Variants in PCP2 observed in about 807,000 individuals in gnomAD.
PCP2 encodes the protein Purkinje cell protein 2 homolog.
Under a neutral mutation model 18.3 loss-of-function variants are expected in PCP2, and 21 were observed. That is an observed-to-expected ratio of 1.14 (90% CI 0.81 to 1.65). PCP2 has a LOEUF of 1.65. PCP2 is among the 40% of genes most tolerant of loss of function. The pLI is 0.00. For missense variants in PCP2, 202 were observed against 201.8 expected, an observed-to-expected ratio of 1.00 and a Z score of 0.00; for synonymous variants, 85 against 77.6, an observed-to-expected ratio of 1.10 and a Z score of -0.50.
At position 7,632,679 on chromosome 19, in the gene PCP2, C is replaced by G; in HGVS notation, c.166+37G>C. On this transcript the variant is annotated intron_variant, in intron 2 of 3. Coordinates refer to ENST00000311069, the MANE Select transcript of PCP2 (RefSeq NM_174895.3). This position sits in a 1 kb window ranked among gnomAD's most constrained non-coding sequence, Gnocchi z 5.2. Reference sequence around the variant, plus strand: ...ACTTGCCCTGCACTCCCACCCCGTTCACGCCCCATGGACAGCACCCCCGTG... The same window carrying G: ...ACTTGCCCTGCACTCCCACCCCGTTGACGCCCCATGGACAGCACCCCCGTG... The G allele has an allele frequency of 6.5e-7, 1 of 1,549,880 alleles. No individual in the cohort carries two copies. Among genetic ancestry groups the G allele is most frequent in the Non-Finnish European group, 8.7e-7 (1 of 1,152,662 alleles).
At position 7,631,749 on chromosome 19, in the gene PCP2, G is replaced by A. The variant is rs527724250; in HGVS notation, c.351C>T (p.Asp117=). 5.6e-6 allele frequency: 8 copies of A among 1,440,300 alleles called. No individual in the cohort carries two copies. In the African/African-American group the frequency reaches 1.0e-4, roughly 18 times the overall value. 89.2% of individuals were successfully genotyped at this position (1,440,300 alleles called of 1,614,324 possible). The part of the protein sequence containing the change: ...LSPQPLLTPQ[D]PTALGFRRNS... ...TCCGACGGAAGCCGAGAGCGGTCGG[G>A]TCCTGAGGGGTGAGCAGGGGTTGGG... Residue 117 remains aspartate (D), a synonymous_variant, in exon 4 of 4, where the codon GAC becomes GAT. Transcript: ENST00000311069.
chr19:7,636,698 G>GGCT (rs886123582), upstream of PCP2: 11 of 161,212 alleles, frequency 6.8e-5, no homozygotes, highest in African/African-American at 1.9e-4. Context: ...TATCCAAGAC[G>GGCT]GCTGCTGCTG....
At position 7,632,854 on chromosome 19, in the gene PCP2, G is replaced by A. The variant is rs1374154742; in HGVS notation, c.52-24C>T. ...GCCTGGGGACAGACTCGCTCAGTCTGGTTGGCCCTTCAGCTTGGGGGCCCC... is the reference window on the plus strand; with the variant it reads ...GCCTGGGGACAGACTCGCTCAGTCTAGTTGGCCCTTCAGCTTGGGGGCCCC... On this transcript the variant is annotated intron_variant, in intron 1 of 3. Coordinates refer to ENST00000311069, the MANE Select transcript of PCP2 (RefSeq NM_174895.3). The surrounding 1 kb of genome is among the most constrained non-coding windows in gnomAD (Gnocchi z 5.2). 1 of 1,541,638 alleles carries A rather than the reference G, an allele frequency of 6.5e-7. No homozygotes were observed. Among genetic ancestry groups the A allele is most frequent in the African/African-American group, 1.4e-5 (1 of 73,112 alleles).
In PCP2 at chr19:7,632,951, A is replaced by G. The variant is rs1230371689; in HGVS notation, c.52-121T>C. 6.8e-7 allele frequency: 1 copy of G among 1,474,980 alleles called. No homozygotes were observed. The highest frequency in any genetic ancestry group is 2.3e-5 in the Admixed American group (1 of 44,118). 91.4% of individuals were successfully genotyped at this position (1,474,980 alleles called of 1,614,324 possible). On this transcript the variant is annotated intron_variant, in intron 1 of 3. Transcript: ENST00000311069. The surrounding 1 kb of genome is among the most constrained non-coding windows in gnomAD (Gnocchi z 5.2). Reference sequence around the variant, plus strand: ...TGCCGTCCCCACTTCCTCAGCTCTCACCATGGTCCCCGCCGATCCTCTCTG... The same window carrying G: ...TGCCGTCCCCACTTCCTCAGCTCTCGCCATGGTCCCCGCCGATCCTCTCTG...
upstream of PCP2, among the ~76,000 whole-genome samples, chr19:7,634,384 C>T (rs566812401): frequency 2.6e-5 from 4 of 152,200 alleles, no homozygotes; most frequent in African/African-American, 7.2e-5. Flanking sequence ...CACCTCTGCC[C>T]GAGCCTCCTC....
At position 7,633,578 on chromosome 19, in the gene PCP2, G is replaced by T; in HGVS notation, c.-121C>A. 2.2e-6 allele frequency: 2 copies of T among 901,528 alleles called. No individual in the cohort carries two copies. Among genetic ancestry groups the T allele is most frequent in the Non-Finnish European group, 3.5e-6 (2 of 575,864 alleles). 55.8% of individuals were successfully genotyped at this position (901,528 alleles called of 1,614,324 possible). ...CCCCATCCCCAAATCCCCAGCTCAT[G>T]CCCCATCTGCTCCCACCCAAGCTTA... On this transcript the variant is annotated 5_prime_UTR_variant, in exon 1 of 4. Transcript: ENST00000311069.
In PCP2 at chr19:7,632,124, G is replaced by A; in HGVS notation, c.291+269C>T. On this transcript the variant is annotated intron_variant, in intron 3 of 3. Transcript: ENST00000311069. The surrounding 1 kb of genome is among the most constrained non-coding windows in gnomAD (Gnocchi z 5.2). ...CCCTGGGATACTTTCCTAGGAAGGG[G>A]TCCTATTTTCTCCCTTTGGCCTCCC... The A allele has an allele frequency of 1.7e-6, 1 of 582,952 alleles. No individual in the cohort carries two copies. The highest frequency in any genetic ancestry group is 3.0e-6 in the Non-Finnish European group (1 of 336,464). 36.1% of individuals were successfully genotyped at this position (582,952 alleles called of 1,614,324 possible).
upstream of PCP2, among the ~76,000 whole-genome samples, chr19:7,634,047 T>A (rs2031440979): frequency 6.6e-6 from 1 of 152,090 alleles, no homozygotes; most frequent in Non-Finnish European, 1.5e-5. Flanking sequence ...CAACTCACTG[T>A]CCCTGGAGCC....
chr19:7,632,301 C>A lies in PCP2; in HGVS notation c.291+92G>T. ...GGGCAGCGGATGGACAGAGATGGGG[C>A]AGGCCCTGTTCCCTCCTGGCTGGGG... On this transcript the variant is annotated intron_variant, in intron 3 of 3. Transcript: ENST00000311069. This position sits in a 1 kb window ranked among gnomAD's most constrained non-coding sequence, Gnocchi z 5.2. 1 of 1,555,046 alleles carries A rather than the reference C, an allele frequency of 6.4e-7. No homozygotes were observed. Among genetic ancestry groups the A allele is most frequent in the Non-Finnish European group, 8.7e-7 (1 of 1,146,778 alleles).
upstream of PCP2, among the ~76,000 whole-genome samples, chr19:7,634,740 G>A (rs1182293161): frequency 6.6e-6 from 1 of 152,170 alleles, no homozygotes; most frequent in African/African-American, 2.4e-5. Context: ...GAAGGTGTTG[G>A]CAGAGCTGTG....
chr19:7,632,584 C>A lies in PCP2; in HGVS notation c.167-67G>T. ...GGGGGCCCCCAACCCTACCCCTTCA[C>A]CCCCACACAGATGCTTCAGGGTGCA... On this transcript the variant is annotated intron_variant, in intron 2 of 3. Coordinates refer to ENST00000311069, the MANE Select transcript of PCP2 (RefSeq NM_174895.3). The surrounding 1 kb of genome is among the most constrained non-coding windows in gnomAD (Gnocchi z 5.2). 7.5e-6 allele frequency: 12 copies of A among 1,599,408 alleles called. No individual in the cohort carries two copies. Among genetic ancestry groups the A allele is most frequent in the Non-Finnish European group, 1.0e-5 (12 of 1,173,860 alleles).
chr19:7,632,221 T>A lies in PCP2; in HGVS notation c.291+172A>T, dbSNP rs1334508009. On this transcript the variant is annotated intron_variant, in intron 3 of 3. Coordinates refer to ENST00000311069, the MANE Select transcript of PCP2 (RefSeq NM_174895.3). The surrounding 1 kb of genome is among the most constrained non-coding windows in gnomAD (Gnocchi z 5.2). The stretch of plus-strand genomic sequence containing the variant: ...GTCTTACACTAGCATGGCCCCTGTA[T>A]AACCTTGGGCCCCTCTAGCCACTGC... Among the ~76,000 whole-genome samples the A allele has an allele frequency of 1.3e-5, 2 of 152,168 alleles. No individual in the cohort carries two copies. The highest frequency in any genetic ancestry group is 2.9e-5 in the Non-Finnish European group (2 of 68,016).
upstream of PCP2, among the ~76,000 whole-genome samples, chr19:7,634,778 C>T (rs2031464884): frequency 6.6e-6 from 1 of 152,210 alleles, no homozygotes; most frequent in Non-Finnish European, 1.5e-5. Context: ...GTCTCAGGAG[C>T]CCTCCTTGCC....
At chr19:7,633,194 C>T (rs2031403895) in intron 1 of PCP2, among the ~76,000 whole-genome samples, 1 of 152,216 alleles carries the variant, frequency 6.6e-6, no homozygotes, top group South Asian at 2.1e-4. Context: ...CCCAGCATCT[C>T]CCATCAATAG....
upstream of PCP2, among the ~76,000 whole-genome samples, chr19:7,634,263 CA>C (rs2031447323): frequency 6.6e-6 from 1 of 152,178 alleles, no homozygotes; most frequent in African/African-American, 2.4e-5. Flanking sequence ...CCTCAGTGCC[CA>C]AGCAGGGGAT....
upstream of PCP2, chr19:7,636,503 G>A (rs999801921): frequency 3.3e-5 from 5 of 151,242 alleles, no homozygotes; most frequent in Non-Finnish European, 5.9e-5. Flanking sequence ...TGCCCCCTGG[G>A]GACAGGCTCC....
chr19:7,636,971 C>T (rs183762216), upstream of PCP2: 1,649 of 594,866 alleles, frequency 2.8e-3, 18 homozygotes, highest in African/African-American at 0.028. Context: ...CGCACCTGCC[C>T]GTCCTCCCCG....
upstream of PCP2, among the ~76,000 whole-genome samples, chr19:7,634,325 C>T (rs373786898): frequency 6.6e-6 from 1 of 152,168 alleles, no homozygotes; most frequent in South Asian, 2.1e-4. Flanking sequence ...GACGCCTTTA[C>T]GGAAACCAGT....
chr19:7,634,952 A>T (rs906941810), upstream of PCP2, among the ~76,000 whole-genome samples: 4 of 152,214 alleles, frequency 2.6e-5, no homozygotes, highest in Non-Finnish European at 5.9e-5. Context: ...AACCAGGCAG[A>T]CATATAACTA....
Sources: gnomAD v4.1 joint callset for allele counts (sites outside exome capture counted in the v4.1 genomes callset) on GRCh38, gnomAD v4.1.1 for gene constraint, Gnocchi (gnomAD v3.1) non-coding constraint, MANE v1.5 for transcripts, NCBI Gene and HGNC (gene_info 2026-07-23, HGNC 2026-07-21) for gene names.